Variants in CHM observed in about 807,000 individuals in gnomAD.
The protein encoded by CHM is rab proteins geranylgeranyltransferase component A 1.
A neutral mutation model predicts 49.0 loss-of-function variants in CHM; 10 were observed. The observed-to-expected ratio is 0.20, with a 90% CI of 0.13 to 0.35. The LOEUF (loss-of-function observed/expected upper bound fraction) is 0.35. CHM is among the 10% of genes least tolerant of loss of function. The pLI is 1.00. For missense variants in CHM, 455 were observed against 478.4 expected, an observed-to-expected ratio of 0.95 and a Z score of 0.46; for synonymous variants, 184 against 167.5, an observed-to-expected ratio of 1.10 and a Z score of -0.76.
chrX:85,894,816 C>T (rs1925712640), intron 11 of CHM, among the ~76,000 whole-genome samples: 2 of 111,752 alleles, frequency 1.8e-5, no homozygotes, highest in South Asian at 7.4e-4. Context: ...GTGTATTTTG[C>T]TGTTTGAAAT....
chrX:86,000,535 AG>A (rs1932661572), intron 2 of CHM, among the ~76,000 whole-genome samples: 2 of 102,472 alleles, frequency 2.0e-5, no homozygotes, highest in African/African-American at 7.2e-5. Flanking sequence ...AAAAAAAAAG[AG>A]GAAATCAGTA....
intron 4 of CHM, 108 bp downstream of exon 4, chrX:85,978,659 A>C: frequency 1.3e-6 from 1 of 797,772 alleles, no homozygotes; most frequent in African/African-American, 2.0e-5. Context: ...CAGCATATTA[A>C]CGTGACTTGT....
At chrX:86,021,126 G>GTGTATATATATA (rs1555967708) in intron 2 of CHM, among the ~76,000 whole-genome samples, 3 of 55,976 alleles carry the variant, frequency 5.4e-5, no homozygotes, top group Admixed American at 2.5e-4. Context: ...GTGTATATAC[G>GTGTATATATATA]TATATATATA....
chrX:85,910,527 C>T (rs1775279038), intron 9 of CHM, among the ~76,000 whole-genome samples: 1 of 111,459 alleles, frequency 9.0e-6, no homozygotes, highest in African/African-American at 3.2e-5. Flanking sequence ...CAGTCTAATT[C>T]AGACCAGTGA....
At chrX:85,936,758 T>C (rs1009094722) in intron 8 of CHM, among the ~76,000 whole-genome samples, 5 of 112,177 alleles carry the variant, frequency 4.5e-5, no homozygotes, top group African/African-American at 6.5e-5. Context: ...CACTGGGGAA[T>C]AGTAGAGAAC....
intron 2 of CHM, among the ~76,000 whole-genome samples, chrX:86,022,629 T>C (rs1376297764): frequency 2.7e-5 from 3 of 111,441 alleles, no homozygotes; most frequent in African/African-American, 9.8e-5. Context: ...ATTTTCAGGA[T>C]GATTCTATTC....
chrX:86,017,475 A>G (rs1016336647), intron 2 of CHM, among the ~76,000 whole-genome samples: 1 of 111,227 alleles, frequency 9.0e-6, no homozygotes, highest in African/African-American at 3.3e-5. Flanking sequence ...ATGGTAGTGA[A>G]TAAGTCTCAC....
chrX:85,942,225 T>TCTA (rs1301147266), intron 8 of CHM, among the ~76,000 whole-genome samples: 1 of 109,321 alleles, frequency 9.1e-6, no homozygotes, highest in Non-Finnish European at 1.9e-5. Flanking sequence ...TATATCATAG[T>TCTA]ACTAACGGCA....
intron 14 of CHM, among the ~76,000 whole-genome samples, chrX:85,868,825 T>TA (rs763187805): frequency 1.8e-5 from 2 of 111,885 alleles, no homozygotes; most frequent in South Asian, 7.5e-4. Flanking sequence ...ACCAATAGGA[T>TA]AAAATCCAAG....
chrX:85,947,432 T>C (rs1929475894), intron 8 of CHM, among the ~76,000 whole-genome samples: 1 of 111,390 alleles, frequency 9.0e-6, no homozygotes, highest in Non-Finnish European at 1.9e-5. Flanking sequence ...GGCACCTCCC[T>C]CTATCTTGCT....
chrX:86,009,070 AC>A (rs754039423), intron 2 of CHM, among the ~76,000 whole-genome samples: 2 of 112,069 alleles, frequency 1.8e-5, no homozygotes, highest in Admixed American at 1.9e-4. Flanking sequence ...CTTCAACACT[AC>A]CCTATTACCA....
In CHM at chrX:85,864,666, G is replaced by T. The variant is rs1211353424; in HGVS notation, c.1926C>A (p.Ser642Arg). ...ACTCCTCTAGGTTTCCAAGGTTTGT[G>T]CTTTCCTTGAAAGTCTCCGAGTTAG... is the stretch of plus-strand genomic sequence containing the variant. ...PEANSETFKE[S>R]TNLGNLEESS... Residue 642 changes from serine (S) to arginine (R), a missense_variant, in exon 15 of 15, where the codon AGC becomes AGA. Coordinates refer to ENST00000357749, the MANE Select transcript of CHM (RefSeq NM_000390.4). The T allele has an allele frequency of 8.3e-7, 1 of 1,210,006 alleles. No homozygotes were observed. The highest frequency in any genetic ancestry group is 1.1e-6 in the Non-Finnish European group (1 of 894,656).
chrX:85,900,826 C>T (rs946633546), intron 10 of CHM, 117 bp from the exon 11 acceptor site: 13 of 593,195 alleles, frequency 2.2e-5, no homozygotes, highest in Non-Finnish European at 3.7e-5. Context: ...AAAGTGTCAC[C>T]TCCCAAAACC....
chrX:86,009,620 T>C (rs1470253401), intron 2 of CHM, among the ~76,000 whole-genome samples: 1 of 112,747 alleles, frequency 8.9e-6, no homozygotes, highest in East Asian at 2.8e-4. Flanking sequence ...TAAATAATAT[T>C]CTTAAATGTA....
intron 2 of CHM, among the ~76,000 whole-genome samples, chrX:86,015,695 T>G (rs1933269748): frequency 8.9e-6 from 1 of 112,401 alleles, no homozygotes; most frequent in Admixed American, 9.4e-5. Context: ...TGTTGGGAAC[T>G]GGAACAAAAG....
rs1380000537 is a variant in CHM at position 85,998,354 on chromosome X, C to T, written c.117-16545G>A. On this transcript the variant is annotated intron_variant, in intron 2 of 14. Coordinates refer to ENST00000357749, the MANE Select transcript of CHM (RefSeq NM_000390.4). ...CATGAAACTTTCTCTCTTAAGTCCC[C>T]CAGACAGAACATAAAAAACGATAAT... 2.7e-5 allele frequency among the ~76,000 whole-genome samples: 3 copies of T among 111,101 alleles called. No individual in the cohort carries two copies. The Admixed American group carries it at 2.9e-4, about 11-fold the overall frequency.
intron 4 of CHM, chrX:85,970,480 T>A (rs1267289528): frequency 1.3e-5 from 10 of 747,208 alleles, no homozygotes; most frequent in Non-Finnish European, 1.6e-5. Context: ...GTTTACCTGA[T>A]GACTGAAATA....
chrX:85,989,289 T>G (rs981942375), intron 2 of CHM, among the ~76,000 whole-genome samples: 1 of 111,857 alleles, frequency 8.9e-6, no homozygotes, highest in African/African-American at 3.3e-5. Context: ...GATAACAGGC[T>G]AGCCATATGT....
chrX:86,007,583 A>G (rs914866770), intron 2 of CHM, among the ~76,000 whole-genome samples: 1 of 112,381 alleles, frequency 8.9e-6, no homozygotes, highest in Non-Finnish European at 1.9e-5. Context: ...AACCCCATCA[A>G]AAAGTGGGCA....
Sources: gnomAD v4.1 joint callset for allele counts (sites outside exome capture counted in the v4.1 genomes callset) on GRCh38, gnomAD v4.1.1 for gene constraint, MANE v1.5 for transcripts, NCBI Gene and HGNC (gene_info 2026-07-23, HGNC 2026-07-21) for gene names.